Variants in NRG1 observed in about 807,000 individuals in gnomAD.
The protein encoded by NRG1 is pro-neuregulin-1, membrane-bound isoform.
NRG1 carries 18 observed loss-of-function variants against 63.8 expected under a neutral mutation model. The ratio of observed to expected loss-of-function variants is 0.28; its 90% CI spans 0.19 to 0.42. The LOEUF (loss-of-function observed/expected upper bound fraction) is 0.42. NRG1 is among the 10% of genes least tolerant of loss of function. The probability of loss-of-function intolerance (pLI) is 1.00; values close to 1 mark genes in which losing one functional copy is unlikely to be tolerated. For synonymous variants in NRG1, 302 were observed against 301.3 expected (o/e 1.00, Z -0.02); for missense variants, 762 against 814.7 (o/e 0.94, Z 0.79).
chr8:31,770,731 C>T (rs1216852644), intron 1 of NRG1, among the ~76,000 whole-genome samples: 1 of 149,662 alleles, frequency 6.7e-6, no homozygotes, highest in South Asian at 2.1e-4. Flanking sequence ...CAAACCTACA[C>T]GTTGTGCACA....
At chr8:31,695,091 A>C (rs1341143587) in intron 1 of NRG1, among the ~76,000 whole-genome samples, 1 of 152,214 alleles carries the variant, frequency 6.6e-6, no homozygotes, top group Non-Finnish European at 1.5e-5. Context: ...GCATGGCAGA[A>C]GGATGAAGAG....
At chr8:31,649,774 A>G (rs894162750) in intron 1 of NRG1, among the ~76,000 whole-genome samples, 3 of 152,200 alleles carry the variant, frequency 2.0e-5, no homozygotes, top group African/African-American at 4.8e-5. Flanking sequence ...CATCATGAGA[A>G]TATTGTATTT....
At chr8:32,054,673 C>T (rs139572952) in intron 1 of NRG1, among the ~76,000 whole-genome samples, 3 of 152,152 alleles carry the variant, frequency 2.0e-5, no homozygotes, top group African/African-American at 7.2e-5. Flanking sequence ...CAGTTCTACA[C>T]TGTAGTAATT....
At chr8:31,979,606 T>C (rs1278381356) in intron 1 of NRG1, among the ~76,000 whole-genome samples, 1 of 152,098 alleles carries the variant, frequency 6.6e-6, no homozygotes, top group Non-Finnish European at 1.5e-5. Flanking sequence ...CTGTGTTTTC[T>C]GGCAATTGCA....
At chr8:32,186,830 C>T (rs372859946) in intron 1 of NRG1, among the ~76,000 whole-genome samples, 1 of 152,190 alleles carries the variant, frequency 6.6e-6, no homozygotes, top group African/African-American at 2.4e-5. Flanking sequence ...CCTCTCCCAG[C>T]CCAGCCTCTC....
intron 1 of NRG1, among the ~76,000 whole-genome samples, chr8:31,646,525 A>G (rs759266377): frequency 2.0e-5 from 3 of 152,230 alleles, no homozygotes; most frequent in Non-Finnish European, 4.4e-5. Flanking sequence ...CAGTAATACT[A>G]TCATCCCAAA....
intron 1 of NRG1, among the ~76,000 whole-genome samples, chr8:32,341,340 C>A (rs1398321792): frequency 6.6e-6 from 1 of 152,236 alleles, no homozygotes; most frequent in Non-Finnish European, 1.5e-5. Flanking sequence ...GGAAATCCAA[C>A]ATCCTTTGGC....
intron 1 of NRG1, among the ~76,000 whole-genome samples, chr8:32,090,441 C>CT (rs1449162000): frequency 6.6e-6 from 1 of 152,156 alleles, no homozygotes; most frequent in African/African-American, 2.4e-5. Context: ...CTGCCTCAGC[C>CT]TCCCGAGAAG....
At chr8:31,877,073 T>A (rs1303193555) in intron 1 of NRG1, among the ~76,000 whole-genome samples, 1 of 152,134 alleles carries the variant, frequency 6.6e-6, no homozygotes, top group Non-Finnish European at 1.5e-5. Flanking sequence ...GATCTGAGAA[T>A]AATTGTGAAA....
In NRG1 at chr8:32,659,255, T is replaced by TGCCTCATTCTCCC. The variant is rs1395899542; in HGVS notation, c.502+42372_502+42384dup. ...CACCTCCTGGGTTAAACCATTCTCC[T>TGCCTCATTCTCCC]GCCTCATTCTCCCGAGTGCTGGGGC... is the stretch of plus-strand genomic sequence containing the variant. On this transcript the variant is annotated intron_variant, in intron 5 of 11. Coordinates refer to ENST00000356819, the Ensembl canonical transcript of NRG1. Among the ~76,000 whole-genome samples the TGCCTCATTCTCCC allele has an allele frequency of 8.6e-5, 13 of 151,640 alleles. No individual in the cohort carries two copies. The East Asian group carries it at 1.6e-3, about 18-fold the overall frequency.
At chr8:32,125,860 T>G (rs781081306) in intron 1 of NRG1, among the ~76,000 whole-genome samples, 4 of 152,030 alleles carry the variant, frequency 2.6e-5, no homozygotes, top group Non-Finnish European at 5.9e-5. Flanking sequence ...TGAAAAACCT[T>G]GTCACAATAT....
chr8:31,889,721 A>C (rs1041820820), intron 1 of NRG1, among the ~76,000 whole-genome samples: 3 of 152,236 alleles, frequency 2.0e-5, no homozygotes, highest in Non-Finnish European at 4.4e-5. Context: ...AGAACTCTGC[A>C]AAGGGAACCA....
rs1442033273 is a variant in NRG1, at chr8:32,712,258, CTTTCCT to C, written c.503-15689_503-15684del. Among the ~76,000 whole-genome samples the C allele has an allele frequency of 2.6e-5, 4 of 152,258 alleles. No individual in the cohort carries two copies. The East Asian group carries it at 7.7e-4, about 29-fold the overall frequency. On this transcript the variant is annotated intron_variant, in intron 5 of 11. Coordinates refer to ENST00000356819, the Ensembl canonical transcript of NRG1. ...GATAATCCAGTTAAATTTGTTATGCCTTTCCTTACTTTCAAAGTTAATTTCCATTTT... is the reference window on the plus strand; with the variant it reads ...GATAATCCAGTTAAATTTGTTATGCCTACTTTCAAAGTTAATTTCCATTTT...
chr8:31,981,155 C>G (rs1326769189), intron 1 of NRG1, among the ~76,000 whole-genome samples: 1 of 151,836 alleles, frequency 6.6e-6, no homozygotes, highest in Non-Finnish European at 1.5e-5. Context: ...CATACCTGTG[C>G]CCAGGGACAA....
At chr8:31,949,673 T>C (rs1435011188) in intron 1 of NRG1, among the ~76,000 whole-genome samples, 1 of 152,188 alleles carries the variant, frequency 6.6e-6, no homozygotes, top group Non-Finnish European at 1.5e-5. Context: ...TTAGTTTCGG[T>C]TCTGGGTCAT....
chr8:32,646,284 A>T (rs1853520506), intron 5 of NRG1, among the ~76,000 whole-genome samples: 1 of 148,238 alleles, frequency 6.7e-6, no homozygotes, highest in Non-Finnish European at 1.5e-5. Flanking sequence ...TGGGCATGAC[A>T]AACAAAGTCT....
intron 1 of NRG1, among the ~76,000 whole-genome samples, chr8:32,249,049 A>C (rs1213019139): frequency 6.6e-6 from 1 of 152,118 alleles, no homozygotes; most frequent in Non-Finnish European, 1.5e-5. Flanking sequence ...TATTTGGTTT[A>C]TATAAATGGT....
At chr8:32,728,198 G>A (rs1822735792) in intron 6 of NRG1, 120 bp downstream of exon 6, 2 of 1,516,014 alleles carry the variant, frequency 1.3e-6, no homozygotes, top group Middle Eastern at 2.1e-4. Flanking sequence ...GAATAATGCT[G>A]TTTTATATGT....
intron 1 of NRG1, among the ~76,000 whole-genome samples, chr8:32,299,485 G>A (rs957999963): frequency 6.6e-6 from 1 of 152,142 alleles, no homozygotes; most frequent in African/African-American, 2.4e-5. Context: ...TGAAAGTCAA[G>A]TAGAGCAATT....
Sources: gnomAD v4.1 joint callset for allele counts (sites outside exome capture counted in the v4.1 genomes callset) on GRCh38, gnomAD v4.1.1 for gene constraint, MANE v1.5 for transcripts, NCBI Gene and HGNC (gene_info 2026-07-23, HGNC 2026-07-21) for gene names.